The following PIAS2 variants were observed in gnomAD, a reference collection of about 807,000 sequenced individuals.
PIAS2 encodes protein inhibitor of activated STAT 2, also known as E3 SUMO-protein ligase PIAS2.
PIAS2 carries 19 observed loss-of-function variants against 69.7 expected under a neutral mutation model. The observed-to-expected ratio is 0.27, with a 90% confidence interval of 0.19 to 0.40. PIAS2 has a LOEUF of 0.40. Ranked by LOEUF, PIAS2 falls within the 10% of genes least tolerant of loss-of-function variation. The pLI is 1.00. For synonymous variants in PIAS2, 261 were observed against 263.2 expected, an observed-to-expected ratio of 0.99 and a Z score of 0.08; for missense variants, 624 against 757.0, an observed-to-expected ratio of 0.82 and a Z score of 2.06.
chr18:46,834,106 T>A (rs1396484137), intron 9 of PIAS2, among the ~76,000 whole-genome samples: 1 of 152,116 alleles, frequency 6.6e-6, no homozygotes, highest in Non-Finnish European at 1.5e-5. Flanking sequence ...AGGTATTTAG[T>A]AAGTACTGTG....
At chr18:46,885,381 G>A (rs1356227004) in intron 2 of PIAS2, among the ~76,000 whole-genome samples, 1 of 152,118 alleles carries the variant, frequency 6.6e-6, no homozygotes, top group East Asian at 1.9e-4. Flanking sequence ...TTAGCTGGGC[G>A]TGGTGGCGGG....
At chr18:46,875,394 AC>A (rs974860363) in intron 2 of PIAS2, among the ~76,000 whole-genome samples, 1 of 152,196 alleles carries the variant, frequency 6.6e-6, no homozygotes, top group African/African-American at 2.4e-5. Context: ...ATTGTAAGTC[AC>A]TGCAATGTAA....
chr18:46,893,423 C>T (rs1161393235), intron 1 of PIAS2: 5 of 960,822 alleles, frequency 5.2e-6, no homozygotes, highest in Middle Eastern at 5.3e-4. Flanking sequence ...AGCACAAAGT[C>T]ATCCTACCTA....
At chr18:46,909,746 T>A (rs968920916) in intron 1 of PIAS2, among the ~76,000 whole-genome samples, 1 of 152,220 alleles carries the variant, frequency 6.6e-6, no homozygotes, top group East Asian at 1.9e-4. Context: ...CAGTGAAACA[T>A]ACAAATATTC....
chr18:46,918,029 G>GCA (rs1198111084), upstream of PIAS2: 1 of 151,992 alleles, frequency 6.6e-6, no homozygotes, highest in Non-Finnish European at 1.5e-5. Context: ...ACCTTGAAGG[G>GCA]CACCTGAAGG....
chr18:46,905,622 G>C (rs2056496308), intron 1 of PIAS2: 1 of 151,926 alleles, frequency 6.6e-6, no homozygotes, highest in Non-Finnish European at 1.5e-5. Flanking sequence ...TTTAAAAAAA[G>C]ACAAGGGGAT....
intron 1 of PIAS2, among the ~76,000 whole-genome samples, chr18:46,900,058 C>T (rs181603021): frequency 1.3e-5 from 2 of 152,092 alleles, no homozygotes; most frequent in East Asian, 3.9e-4. Flanking sequence ...GGTCCAACAT[C>T]GTCTCTACTA....
intron 1 of PIAS2, among the ~76,000 whole-genome samples, chr18:46,901,947 A>G (rs1398431345): frequency 6.6e-6 from 1 of 152,238 alleles, no homozygotes; most frequent in Admixed American, 6.5e-5. Context: ...AAATGGAAAT[A>G]AAAGCAGTAA....
chr18:46,841,964 C>A (rs1473617910), intron 8 of PIAS2, among the ~76,000 whole-genome samples: 1 of 152,156 alleles, frequency 6.6e-6, no homozygotes, highest in Non-Finnish European at 1.5e-5. Context: ...TGAGATGGCT[C>A]ATGCCTGTAA....
At chr18:46,897,053 A>G (rs1434519205) in intron 1 of PIAS2, among the ~76,000 whole-genome samples, 3 of 152,202 alleles carry the variant, frequency 2.0e-5, no homozygotes, top group African/African-American at 4.8e-5. Flanking sequence ...ATTTTCTATC[A>G]TTGTAAATTT....
chr18:46,823,891 G>A (rs1484011108), intron 11 of PIAS2, among the ~76,000 whole-genome samples: 1 of 152,070 alleles, frequency 6.6e-6, no homozygotes, highest in Non-Finnish European at 1.5e-5. Context: ...TGATTCTAAA[G>A]CCTATGCAAA....
chr18:46,916,823 A>G, intron 1 of PIAS2: 1 of 985,436 alleles, frequency 1.0e-6, no homozygotes, highest in Non-Finnish European at 1.2e-6. Flanking sequence ...TTTTCTCGTG[A>G]CAGACCTGAC....
chr18:46,870,430 A>G (rs1279688006), intron 2 of PIAS2, among the ~76,000 whole-genome samples: 2 of 151,966 alleles, frequency 1.3e-5, no homozygotes, highest in African/African-American at 4.8e-5. Context: ...CCTGGCTAAC[A>G]TGGTGAAACC....
chr18:46,821,609 T>C (rs1216838860), intron 11 of PIAS2, among the ~76,000 whole-genome samples: 1 of 152,056 alleles, frequency 6.6e-6, no homozygotes, highest in Non-Finnish European at 1.5e-5. Flanking sequence ...GCCGACCAAC[T>C]TGATGGCAAT....
chr18:46,854,470 C>T (rs182383735), intron 5 of PIAS2, among the ~76,000 whole-genome samples: 4 of 152,286 alleles, frequency 2.6e-5, no homozygotes, highest in Non-Finnish European at 5.9e-5. Flanking sequence ...CCATGTTGTA[C>T]TATTTTTTTG....
rs1002321884 is a variant in PIAS2, at chr18:46,917,476, G to A, written c.-131C>T. On this transcript the variant is annotated 5_prime_UTR_variant, in exon 1 of 14. Transcript: ENST00000585916. Reference sequence around the variant, plus strand: ...CACTGGGCGCCGCTTAAGACGCCGCGGCCGCCGCCGCTACAGCCGGGCCCG... The same window carrying A: ...CACTGGGCGCCGCTTAAGACGCCGCAGCCGCCGCCGCTACAGCCGGGCCCG... 18 of 1,207,704 alleles carry A rather than the reference G, an allele frequency of 1.5e-5. No homozygotes were observed. The highest frequency in any genetic ancestry group is 9.6e-5 in the African/African-American group (6 of 62,302). 74.8% of individuals were successfully genotyped at this position (1,207,704 alleles called of 1,614,324 possible). A position where few individuals can be genotyped will look rare whatever the true frequency, so the allele number is the denominator to read the frequency against.
At chr18:46,917,889 G>A (rs1440622661), upstream of PIAS2, 1 of 152,268 alleles carries the variant, frequency 6.6e-6, no homozygotes, top group African/African-American at 2.4e-5. Flanking sequence ...CCATCCCCCA[G>A]AGTAGTTGTG....
At chr18:46,844,404 C>T (rs138668513) in intron 7 of PIAS2, among the ~76,000 whole-genome samples, 5 of 152,110 alleles carry the variant, frequency 3.3e-5, no homozygotes, top group Non-Finnish European at 1.5e-5. Flanking sequence ...GGAGAGGAAG[C>T]TGGAATGCAG....
At position 46,807,377 on chromosome 18, in the gene PIAS2, A is replaced by ATG. The variant is rs2040749018; in HGVS notation, c.*5055_*5056insCA. 4.0e-5 allele frequency: 1 copy of ATG among 25,060 alleles called. No homozygotes were observed. The highest frequency in any genetic ancestry group is 7.4e-5 in the Non-Finnish European group (1 of 13,432). The allele number at this position is 25,060 out of a possible 1,614,324, so 1.6% of individuals were successfully genotyped here. Reference sequence around the variant, plus strand: ...ATTTTATATATATATATATATATATATATATATTTTTTTTTTTTTTTTTTT... The same window carrying ATG: ...ATTTTATATATATATATATATATATATGTATATATTTTTTTTTTTTTTTTTTT... On this transcript the variant is annotated 3_prime_UTR_variant, in exon 14 of 14. Coordinates refer to ENST00000585916, the MANE Select transcript of PIAS2 (RefSeq NM_004671.5).
Sources: allele counts gnomAD v4.1 joint callset (sites outside exome capture counted in the v4.1 genomes callset), GRCh38; gene constraint gnomAD v4.1.1; transcripts MANE v1.5; gene names NCBI Gene and HGNC (gene_info 2026-07-23, HGNC 2026-07-21).